Variants in DRAM1 observed in about 807,000 individuals in gnomAD.
DRAM1 encodes DNA damage-regulated autophagy modulator protein 1.
A neutral mutation model predicts 28.5 loss-of-function variants in DRAM1; 25 were observed. The observed-to-expected ratio is 0.88, with a 90% confidence interval of 0.64 to 1.23. The LOEUF (loss-of-function observed/expected upper bound fraction) is 1.23, where lower values mean the gene tolerates loss of function less well. Among genes scored for constraint, DRAM1 ranks in the 50% most tolerant of loss-of-function variants. The pLI, the probability that DRAM1 is intolerant of heterozygous loss-of-function variation, is 0.00. For missense variants in DRAM1, 249 were observed against 299.2 expected, an observed-to-expected ratio of 0.83 and a Z score of 1.24; for synonymous variants, 113 against 114.2, an observed-to-expected ratio of 0.99 and a Z score of 0.07.
At chr12:101,884,508 T>C (rs543846885) in intron 1 of DRAM1, among the ~76,000 whole-genome samples, 10 of 152,380 alleles carry the variant, frequency 6.6e-5, no homozygotes, top group African/African-American at 2.4e-4. Context: ...ATCTTCTTTT[T>C]GGCATGTGTC....
chr12:101,907,595 C>T (rs1013412336), intron 3 of DRAM1, among the ~76,000 whole-genome samples: 16 of 151,362 alleles, frequency 1.1e-4, no homozygotes, highest in Non-Finnish European at 1.6e-4. Context: ...AAAAATTAGC[C>T]GGGCGTGGTG....
rs1290673910 is a variant in DRAM1, at chr12:101,923,200, C to A, written c.*1940C>A. On this transcript the variant is annotated 3_prime_UTR_variant, in exon 7 of 7. Transcript: ENST00000258534. ...CCCTTGTAACACTGGAACTGAAAGACAGTGATGAAAGCTATGTCAAGCATT... is the reference window on the plus strand; with the variant it reads ...CCCTTGTAACACTGGAACTGAAAGAAAGTGATGAAAGCTATGTCAAGCATT... The A allele has an allele frequency of 1.3e-5, 2 of 152,226 alleles. No individual in the cohort carries two copies. Among genetic ancestry groups the A allele is most frequent in the African/African-American group, 2.4e-5 (1 of 41,442 alleles). The allele number at this position is 152,226 out of a possible 1,614,324, so 9.4% of individuals were successfully genotyped here. A position where few individuals can be genotyped will look rare whatever the true frequency, so the allele number is the denominator to read the frequency against.
intron 2 of DRAM1, among the ~76,000 whole-genome samples, chr12:101,899,507 GA>G (rs771039224): frequency 3.3e-5 from 5 of 151,686 alleles, no homozygotes; most frequent in South Asian, 2.1e-4. Flanking sequence ...AGTTAAAAAA[GA>G]AAGAAAGAAA....
chr12:101,902,098 AC>A (rs1455847807), intron 3 of DRAM1, among the ~76,000 whole-genome samples: 1 of 151,970 alleles, frequency 6.6e-6, no homozygotes, highest in African/African-American at 2.4e-5. Flanking sequence ...TACCATTTAA[AC>A]CTCTGGTATT....
rs1874565181 is a variant in DRAM1 at position 101,923,575 on chromosome 12, C to T, written c.*2315C>T. The T allele has an allele frequency of 6.6e-6, 1 of 152,232 alleles. No homozygotes were observed. Among genetic ancestry groups the T allele is most frequent in the Admixed American group, 6.5e-5 (1 of 15,284 alleles). 9.4% of individuals were successfully genotyped at this position (152,232 alleles called of 1,614,324 possible). On this transcript the variant is annotated 3_prime_UTR_variant, in exon 7 of 7. Coordinates refer to ENST00000258534, the MANE Select transcript of DRAM1 (RefSeq NM_018370.3). ...ATAATATAGAATGGGATTTACTCTG[C>T]TTTACCAGTTAGTTTCATAATAAAC...
chr12:101,887,740 T>C (rs560093369), intron 1 of DRAM1, among the ~76,000 whole-genome samples: 1 of 152,258 alleles, frequency 6.6e-6, no homozygotes, highest in East Asian at 1.9e-4. Flanking sequence ...GGTTTCACCA[T>C]GTTGGCCAGG....
chr12:101,914,846 AG>A (rs1041678934), intron 5 of DRAM1, among the ~76,000 whole-genome samples: 2 of 151,892 alleles, frequency 1.3e-5, no homozygotes, highest in African/African-American at 4.8e-5. Context: ...TAGTAGAGAC[AG>A]GGTTTTTCCC....
rs554435833 is a variant in DRAM1, at chr12:101,922,870, G to A, written c.*1610G>A. 32 of 152,350 alleles carry A rather than the reference G, an allele frequency of 2.1e-4. No homozygotes were observed. The highest frequency in any genetic ancestry group is 7.7e-4 in the African/African-American group (32 of 41,564). The allele number at this position is 152,350 out of a possible 1,614,324, so 9.4% of individuals were successfully genotyped here. On this transcript the variant is annotated 3_prime_UTR_variant, in exon 7 of 7. Transcript: ENST00000258534. ...CCCAGCACTTTGGGAGGCCTAGGCAGGAGGATTGCTTGAGCCTGGGACTTC... is the reference window on the plus strand; with the variant it reads ...CCCAGCACTTTGGGAGGCCTAGGCAAGAGGATTGCTTGAGCCTGGGACTTC...
rs369778972 is a variant in DRAM1, at chr12:101,919,861, A to G, written c.580-248A>G. On this transcript the variant is annotated intron_variant, in intron 5 of 6. Coordinates refer to ENST00000258534, the MANE Select transcript of DRAM1 (RefSeq NM_018370.3). ...AGTCCTTAGTCTACCTTTTGAAGTG[A>G]CAAACTAAATCTTAAAACAAGAGTT... Among the ~76,000 whole-genome samples, 20 of 152,324 alleles carry G rather than the reference A, an allele frequency of 1.3e-4. No individual in the cohort carries two copies. In the East Asian group the frequency reaches 3.7e-3, roughly 28 times the overall value.
At chr12:101,902,603 T>G (rs1873647677) in intron 3 of DRAM1, among the ~76,000 whole-genome samples, 1 of 152,196 alleles carries the variant, frequency 6.6e-6, no homozygotes, top group South Asian at 2.1e-4. Flanking sequence ...AACCACATCA[T>G]GAGAGATACA....
At chr12:101,914,262 G>A (rs1048951580) in intron 5 of DRAM1, 30 bp downstream of exon 5, 4 of 1,574,800 alleles carry the variant, frequency 2.5e-6, no homozygotes, top group Non-Finnish European at 3.5e-6. Flanking sequence ...GAATGTGGTT[G>A]TCGGACGTGG....
chr12:101,920,551 GGTT>G (rs1442478602), intron 6 of DRAM1, among the ~76,000 whole-genome samples: 1 of 152,036 alleles, frequency 6.6e-6, no homozygotes, highest in Non-Finnish European at 1.5e-5. Context: ...CATGTATCCT[GGTT>G]GTTTTCTTTT....
At chr12:101,896,237 T>TA (rs902757646) in intron 1 of DRAM1, among the ~76,000 whole-genome samples, 1 of 152,234 alleles carries the variant, frequency 6.6e-6, no homozygotes, top group Non-Finnish European at 1.5e-5. Flanking sequence ...TCGCAAAACT[T>TA]AAAAAATTCC....
At chr12:101,904,080 A>G (rs1315384997) in intron 3 of DRAM1, among the ~76,000 whole-genome samples, 1 of 151,908 alleles carries the variant, frequency 6.6e-6, no homozygotes, top group Non-Finnish European at 1.5e-5. Flanking sequence ...TCCGCCTCTC[A>G]GGTTCAAGCA....
intron 1 of DRAM1, among the ~76,000 whole-genome samples, chr12:101,889,710 CAG>C (rs1275138246): frequency 1.3e-5 from 2 of 152,106 alleles, no homozygotes; most frequent in African/African-American, 4.8e-5. Flanking sequence ...GAAGCCAAGG[CAG>C]GTGGATCACT....
chr12:101,912,643 ACT>A (rs1286608700), intron 4 of DRAM1, among the ~76,000 whole-genome samples: 4 of 151,826 alleles, frequency 2.6e-5, no homozygotes, highest in Non-Finnish European at 4.4e-5. Flanking sequence ...GAAGCATTAA[ACT>A]CTGCACAATT....
chr12:101,907,901 C>T (rs1331728614), intron 3 of DRAM1, among the ~76,000 whole-genome samples: 4 of 152,146 alleles, frequency 2.6e-5, no homozygotes, highest in African/African-American at 9.7e-5. Flanking sequence ...GACTTTTAAT[C>T]CAGGTGTACC....
chr12:101,911,867 A>G (rs548191647), intron 4 of DRAM1, among the ~76,000 whole-genome samples: 1 of 152,286 alleles, frequency 6.6e-6, no homozygotes, highest in East Asian at 1.9e-4. Context: ...TGTATATCTT[A>G]TATTGACAAT....
intron 2 of DRAM1, among the ~76,000 whole-genome samples, chr12:101,898,415 T>C (rs1240862735): frequency 6.6e-6 from 1 of 152,206 alleles, no homozygotes; most frequent in Non-Finnish European, 1.5e-5. Flanking sequence ...AATTATGGCT[T>C]TATTAGAGAA....
Sources: gnomAD v4.1 joint callset for allele counts (sites outside exome capture counted in the v4.1 genomes callset) on GRCh38, gnomAD v4.1.1 for gene constraint, MANE v1.5 for transcripts, NCBI Gene and HGNC (gene_info 2026-07-23, HGNC 2026-07-21) for gene names.